CNTNAP2: variants seen among roughly 807,000 people sequenced by gnomAD.
CNTNAP2 encodes contactin associated protein 2.
A neutral mutation model predicts 155.2 loss-of-function variants in CNTNAP2; 98 were observed. The ratio of observed to expected loss-of-function variants is 0.63; its 90% CI spans 0.54 to 0.75. CNTNAP2 has a LOEUF of 0.75. Ranked by LOEUF, CNTNAP2 falls within the 30% of genes least tolerant of loss-of-function variation. The probability of loss-of-function intolerance (pLI) is 0.00; values close to 1 mark genes in which losing one functional copy is unlikely to be tolerated. For missense variants in CNTNAP2, 1,727 were observed against 1,688.1 expected (o/e 1.02, Z -0.40); for synonymous variants, 651 against 631.2 (o/e 1.03, Z -0.47).
intron 10 of CNTNAP2, among the ~76,000 whole-genome samples, chr7:147,433,394 A>G (rs1047735468): frequency 6.6e-6 from 1 of 152,162 alleles, no homozygotes; most frequent in South Asian, 2.1e-4. Flanking sequence ...TAGACAATCT[A>G]TAGTAGTTCA....
At chr7:147,814,338 T>C (rs527596149) in intron 13 of CNTNAP2, among the ~76,000 whole-genome samples, 9 of 152,298 alleles carry the variant, frequency 5.9e-5, no homozygotes, top group African/African-American at 2.2e-4. Flanking sequence ...ATTAAATTAT[T>C]TTGGTGTCTT....
intron 11 of CNTNAP2, among the ~76,000 whole-genome samples, chr7:147,556,588 C>T (rs1799955949): frequency 6.6e-6 from 1 of 152,098 alleles, no homozygotes; most frequent in African/African-American, 2.4e-5. Flanking sequence ...AGGGAAATTC[C>T]ACCTAATTCC....
chr7:146,778,351 T>G (rs1802426195), intron 2 of CNTNAP2, among the ~76,000 whole-genome samples: 2 of 152,220 alleles, frequency 1.3e-5, no homozygotes. Context: ...CAAATCCATC[T>G]GCTATAATCT....
intron 21 of CNTNAP2, among the ~76,000 whole-genome samples, chr7:148,275,661 G>A (rs1367315453): frequency 1.3e-5 from 2 of 152,206 alleles, no homozygotes; most frequent in Non-Finnish European, 2.9e-5. Flanking sequence ...TTGGGGCCAC[G>A]AGCCAGGGGC....
intron 1 of CNTNAP2, among the ~76,000 whole-genome samples, chr7:146,643,609 G>C (rs181093981): frequency 6.6e-6 from 1 of 152,132 alleles, no homozygotes; most frequent in African/African-American, 2.4e-5. Context: ...CTCCAGCTTT[G>C]TTCTTTTGGC....
At chr7:147,194,846 A>G (rs1180888653) in intron 8 of CNTNAP2, among the ~76,000 whole-genome samples, 5 of 152,162 alleles carry the variant, frequency 3.3e-5, no homozygotes, top group African/African-American at 1.2e-4. Context: ...GTAGATTGCA[A>G]AAATTTTCTC....
At chr7:148,234,715 T>A (rs867090162) in intron 20 of CNTNAP2, among the ~76,000 whole-genome samples, 12 of 152,350 alleles carry the variant, frequency 7.9e-5, no homozygotes, top group South Asian at 6.2e-4. Flanking sequence ...GCTGAGATGA[T>A]GCAGCTTTCT....
chr7:147,881,238 G>C (rs1322466283), intron 13 of CNTNAP2, among the ~76,000 whole-genome samples: 1 of 152,194 alleles, frequency 6.6e-6, no homozygotes, highest in Non-Finnish European at 1.5e-5. Flanking sequence ...CATTGGAATT[G>C]AGTATATGTA....
At chr7:147,453,521 A>G (rs1338995309) in intron 10 of CNTNAP2, among the ~76,000 whole-genome samples, 1 of 152,206 alleles carries the variant, frequency 6.6e-6, no homozygotes, top group East Asian at 1.9e-4. Context: ...CAATAATTCT[A>G]TAAATTATCA....
intron 1 of CNTNAP2, among the ~76,000 whole-genome samples, chr7:146,422,090 T>A (rs1359765030): frequency 2.0e-5 from 3 of 151,530 alleles, no homozygotes; most frequent in East Asian, 3.9e-4. Context: ...TATTATTTTT[T>A]AAAATTAATT....
chr7:146,843,241 T>C (rs1803775625), intron 3 of CNTNAP2, among the ~76,000 whole-genome samples: 1 of 143,932 alleles, frequency 6.9e-6, no homozygotes. Flanking sequence ...CTCGATCTCC[T>C]GACCTCATGA....
intron 3 of CNTNAP2, among the ~76,000 whole-genome samples, chr7:146,922,058 T>A (rs962421545): frequency 8.5e-5 from 13 of 152,156 alleles, no homozygotes; most frequent in Non-Finnish European, 1.5e-4. Flanking sequence ...TTCAGAATGA[T>A]AGATATCACA....
Position 148,415,860 on chromosome 7 carries a change from T to G in CNTNAP2, c.*244T>G. Reference sequence around the variant, plus strand: ...AAAACAAAATAATACAAAAAATGCTTTTAGAGTTTAAGCAATGGTTGAAAT... The same window carrying G: ...AAAACAAAATAATACAAAAAATGCTGTTAGAGTTTAAGCAATGGTTGAAAT... On this transcript the variant is annotated 3_prime_UTR_variant, in exon 24 of 24. Transcript: ENST00000361727. 1 of 587,276 alleles carries G rather than the reference T, an allele frequency of 1.7e-6. No individual in the cohort carries two copies. The highest frequency in any genetic ancestry group is 2.8e-5 in the East Asian group (1 of 35,462). 36.4% of individuals were successfully genotyped at this position (587,276 alleles called of 1,614,324 possible). A position where few individuals can be genotyped will look rare whatever the true frequency, so the allele number is the denominator to read the frequency against.
intron 4 of CNTNAP2, among the ~76,000 whole-genome samples, chr7:147,068,929 C>T (rs1799837136): frequency 6.6e-6 from 1 of 152,168 alleles, no homozygotes; most frequent in South Asian, 2.1e-4. Context: ...GTTTATTTGG[C>T]TCATGGTTCT....
At chr7:147,406,800 A>G (rs755959256) in intron 10 of CNTNAP2, among the ~76,000 whole-genome samples, 12 of 152,362 alleles carry the variant, frequency 7.9e-5, no homozygotes, top group Non-Finnish European at 1.6e-4. Flanking sequence ...AATAAATTTT[A>G]ACAAATTACG....
chr7:147,955,384 T>C (rs1237926452), intron 14 of CNTNAP2, among the ~76,000 whole-genome samples: 2 of 152,198 alleles, frequency 1.3e-5, no homozygotes, highest in African/African-American at 4.8e-5. Flanking sequence ...ATGCTTTTAT[T>C]TTTTAAAAAA....
rs561266238 is a variant in CNTNAP2 at position 146,137,862 on chromosome 7, A to G, written c.97+20889A>G. ...AAAGGTTTTTATTTTAAAAATAAAC[A>G]TGTAGAAAAGAATTATATATACTTA... On this transcript the variant is annotated intron_variant, in intron 1 of 23. Transcript: ENST00000361727. Among the ~76,000 whole-genome samples, 351 of 152,052 alleles carry G rather than the reference A, an allele frequency of 2.3e-3. 1 individual carries two copies. The highest frequency in any genetic ancestry group is 7.6e-3 in the African/African-American group (314 of 41,570).
At chr7:146,790,288 T>C (rs1244777091) in intron 2 of CNTNAP2, among the ~76,000 whole-genome samples, 4 of 152,228 alleles carry the variant, frequency 2.6e-5, no homozygotes, top group Non-Finnish European at 5.9e-5. Flanking sequence ...CAAAATACTT[T>C]TGGTTTTTAA....
chr7:148,418,778 C>A lies in CNTNAP2; in HGVS notation c.*3162C>A, dbSNP rs1800050592. On this transcript the variant is annotated 3_prime_UTR_variant, in exon 24 of 24. Transcript: ENST00000361727. ...TTACATGAAAGTTTTCATTAAAGAGCTGAAAACAAGAATTTAGAGAGCCAT... is the reference window on the plus strand; with the variant it reads ...TTACATGAAAGTTTTCATTAAAGAGATGAAAACAAGAATTTAGAGAGCCAT... 6.6e-6 allele frequency: 1 copy of A among 152,206 alleles called. No homozygotes were observed. The highest frequency in any genetic ancestry group is 2.1e-4 in the South Asian group (1 of 4,826). The allele number at this position is 152,206 out of a possible 1,614,324, so 9.4% of individuals were successfully genotyped here.
Sources: allele counts gnomAD v4.1 joint callset (sites outside exome capture counted in the v4.1 genomes callset), GRCh38; gene constraint gnomAD v4.1.1; transcripts MANE v1.5; gene names NCBI Gene and HGNC (gene_info 2026-07-23, HGNC 2026-07-21).